CGREF1: variants seen among roughly 807,000 people sequenced by gnomAD.
CGREF1 encodes cell growth regulator with EF hand domain protein 1.
In CGREF1, 16 loss-of-function variants were observed where a neutral mutation model predicts 17.4. The observed-to-expected ratio is 0.92, with a 90% CI of 0.62 to 1.40. The LOEUF (loss-of-function observed/expected upper bound fraction) is 1.40. Ranked by LOEUF, CGREF1 falls within the 40% of genes most tolerant of loss-of-function variation. CGREF1 has a pLI of 0.00. For synonymous variants in CGREF1, 142 were observed against 154.6 expected, an observed-to-expected ratio of 0.92 and a Z score of 0.61; for missense variants, 296 against 376.4, an observed-to-expected ratio of 0.79 and a Z score of 1.77.
At chr2:27,115,123 G>A (rs1201626766) in intron 1 of CGREF1, among the ~76,000 whole-genome samples, 1 of 152,196 alleles carries the variant, frequency 6.6e-6, no homozygotes, top group Non-Finnish European at 1.5e-5. Context: ...CTGGCTTCAT[G>A]GGTGTGCGTC....
chr2:27,101,986 T>C, intron 5 of CGREF1, 98 bp from the exon 6 acceptor site: 1 of 1,561,022 alleles, frequency 6.4e-7, no homozygotes, highest in South Asian at 1.2e-5. Flanking sequence ...CCGTGCAAGC[T>C]CTGAGCCCTC....
intron 5 of CGREF1, 94 bp from the exon 6 acceptor site, chr2:27,101,982 A>G: frequency 6.4e-7 from 1 of 1,564,464 alleles, no homozygotes; most frequent in Non-Finnish European, 8.7e-7. Context: ...CCTGCCGTGC[A>G]AGCTCTGAGC....
chr2:27,100,701 C>T lies in CGREF1; in HGVS notation c.*573G>A. On this transcript the variant is annotated 3_prime_UTR_variant, in exon 6 of 6. Coordinates refer to ENST00000402394, the MANE Select transcript of CGREF1 (RefSeq NM_006569.6). The stretch of plus-strand genomic sequence containing the variant: ...GTCAAATGGAACCAATTCTGCTTGG[C>T]TACAGAATTATTGTGAGGATAAAAT... 1 of 1,101,748 alleles carries T rather than the reference C, an allele frequency of 9.1e-7. No individual in the cohort carries two copies. The highest frequency in any genetic ancestry group is 3.5e-5 in the Admixed American group (1 of 28,712). The allele number at this position is 1,101,748 out of a possible 1,614,324, so 68.2% of individuals were successfully genotyped here.
chr2:27,116,663 G>A (rs76497218), intron 1 of CGREF1, among the ~76,000 whole-genome samples: 18 of 149,588 alleles, frequency 1.2e-4, no homozygotes, highest in African/African-American at 3.7e-4. Context: ...TCCACCTCCC[G>A]AGTTCAAGCG....
downstream of CGREF1, chr2:27,099,930 G>C (rs3769141): frequency 3.7e-6 from 5 of 1,368,568 alleles, no homozygotes; most frequent in East Asian, 1.2e-4. Context: ...ATGGCTGGGG[G>C]ATGCAGAGCC....
At chr2:27,099,456 C>T (rs772163501), downstream of CGREF1, 40 of 1,613,858 alleles carry the variant, frequency 2.5e-5, no homozygotes, top group Admixed American at 8.3e-5. Flanking sequence ...AGGAGGGCGC[C>T]GACGCCCTGG....
intron 1 of CGREF1, among the ~76,000 whole-genome samples, chr2:27,106,918 T>A (rs1258788878): frequency 6.6e-6 from 1 of 152,114 alleles, no homozygotes; most frequent in African/African-American, 2.4e-5. Context: ...GCGCCTGCCC[T>A]CTAATGTGGG....
chr2:27,100,885 G>A lies in CGREF1; in HGVS notation c.*389C>T. ...GAGGGGGAACCGGTGAGGGTTTGGGGCCCAGGGATAGACTGAGCTTTCCTC... is the reference window on the plus strand; with the variant it reads ...GAGGGGGAACCGGTGAGGGTTTGGGACCCAGGGATAGACTGAGCTTTCCTC... On this transcript the variant is annotated 3_prime_UTR_variant, in exon 6 of 6. Coordinates refer to ENST00000402394, the MANE Select transcript of CGREF1 (RefSeq NM_006569.6). 1 of 1,092,064 alleles carries A rather than the reference G, an allele frequency of 9.2e-7. No individual in the cohort carries two copies. The allele number at this position is 1,092,064 out of a possible 1,614,324, so 67.6% of individuals were successfully genotyped here. A position where few individuals can be genotyped will look rare whatever the true frequency, so the allele number is the denominator to read the frequency against.
intron 1 of CGREF1, among the ~76,000 whole-genome samples, chr2:27,107,475 A>G (rs921178242): frequency 2.0e-5 from 3 of 151,544 alleles, no homozygotes; most frequent in African/African-American, 7.3e-5. Context: ...GGCTGGTCTC[A>G]AACTCCTGAC....
chr2:27,105,848 G>A (rs1260701898), intron 1 of CGREF1, among the ~76,000 whole-genome samples: 4 of 152,164 alleles, frequency 2.6e-5, no homozygotes, highest in South Asian at 2.1e-4. Context: ...CACTTGGCCC[G>A]TCTTCATTTT....
chr2:27,105,058 A>C (rs950030331), intron 1 of CGREF1, among the ~76,000 whole-genome samples: 1 of 152,232 alleles, frequency 6.6e-6, no homozygotes, highest in African/African-American at 2.4e-5. Flanking sequence ...GCTTAGGCCC[A>C]TTGGCAAAAT....
In CGREF1 at chr2:27,102,600, G is replaced by T; in HGVS notation, c.81-9C>A. ...GCACTTCAGAGTCTGGCCTGGAGGA[G>T]GAAGGGGAGGACCAGCCTTGCAGAG... On this transcript the variant is annotated splice_polypyrimidine_tract_variant and intron_variant, in intron 2 of 5. Transcript: ENST00000402394. 1 of 1,609,418 alleles carries T rather than the reference G, an allele frequency of 6.2e-7. No homozygotes were observed. The highest frequency in any genetic ancestry group is 2.2e-5 in the East Asian group (1 of 44,860).
intron 1 of CGREF1, chr2:27,104,863 C>A (rs1671058120): frequency 1.5e-6 from 2 of 1,360,322 alleles, no homozygotes; most frequent in South Asian, 3.3e-5. Flanking sequence ...TAAAAACCCA[C>A]TGAAGAACAA....
chr2:27,099,394 C>T (rs746413451), downstream of CGREF1: 5 of 1,612,468 alleles, frequency 3.1e-6, no homozygotes, highest in African/African-American at 6.7e-5. Flanking sequence ...TGGGCTAACA[C>T]CCAGCTGAGT....
chr2:27,102,426 G>C lies in CGREF1; in HGVS notation c.151C>G (p.Leu51Val). ...CCTAGTCCCTTTAGGTAGCTCTGCA[G>C]AAGTCTGTCAGAAAAGTGGAGAATC... is the stretch of plus-strand genomic sequence containing the variant. ...FQPGQEQLGL[L>V]QSYLKGLGRT... The change falls in exon 4 of 6, where the codon CTG (leucine) becomes GTG (valine). Residue 51 changes from leucine (L) to valine (V), a missense_variant. Physicochemically the swap from Leu to Val is conservative, Grantham distance 32. This residue lies in a region of CGREF1 where 247 missense variants were observed against 267.2 expected (regional missense o/e 0.92). Transcript: ENST00000402394. 2 of 1,614,118 alleles carry C rather than the reference G, an allele frequency of 1.2e-6. 1 individual carries two copies. Among genetic ancestry groups the C allele is most frequent in the South Asian group, 2.2e-5 (2 of 91,080 alleles).
intron 1 of CGREF1, among the ~76,000 whole-genome samples, chr2:27,117,664 C>T (rs1276246112): frequency 1.3e-5 from 2 of 151,860 alleles, no homozygotes; most frequent in Non-Finnish European, 1.5e-5. Context: ...CACTGTGGGA[C>T]CTAGGCAGGT....
intron 1 of CGREF1, among the ~76,000 whole-genome samples, chr2:27,108,424 A>C (rs1433725605): frequency 6.6e-6 from 1 of 152,198 alleles, no homozygotes; most frequent in Admixed American, 6.5e-5. Context: ...GTTAAGTGGC[A>C]AGGTGGATGG....
At chr2:27,099,823 C>CCTG, downstream of CGREF1, 1 of 1,571,326 alleles carries the variant, frequency 6.4e-7, no homozygotes, top group Non-Finnish European at 8.6e-7. Context: ...CTCCATCCAG[C>CCTG]CTGGCGTCCA....
At chr2:27,108,083 C>T (rs947885081) in intron 1 of CGREF1, among the ~76,000 whole-genome samples, 2 of 151,456 alleles carry the variant, frequency 1.3e-5, no homozygotes, top group Non-Finnish European at 2.9e-5. Context: ...GGTGAAACCC[C>T]GTCTCTACTA....
Sources: gnomAD v4.1 joint callset for allele counts (sites outside exome capture counted in the v4.1 genomes callset) on GRCh38, gnomAD v4.1.1 for gene constraint, gnomAD v4.1.1 regional missense constraint, MANE v1.5 for transcripts, NCBI Gene and HGNC (gene_info 2026-07-23, HGNC 2026-07-21) for gene names.